Variants in PLXDC2 observed in about 807,000 individuals in gnomAD.
PLXDC2 encodes plexin domain-containing protein 2.
In PLXDC2, 40 loss-of-function variants were observed where a neutral mutation model predicts 68.9. That is an observed-to-expected ratio of 0.58 (90% CI 0.45 to 0.76). PLXDC2 has a LOEUF of 0.76. PLXDC2 is among the 30% of genes least tolerant of loss of function. The pLI is 0.00. For missense variants in PLXDC2, 644 were observed against 661.9 expected, an observed-to-expected ratio of 0.97 and a Z score of 0.30; for synonymous variants, 243 against 234.2, an observed-to-expected ratio of 1.04 and a Z score of -0.34.
chr10:20,029,408 G>A (rs1247145660), intron 2 of PLXDC2, among the ~76,000 whole-genome samples: 1 of 151,524 alleles, frequency 6.6e-6, no homozygotes, highest in Non-Finnish European at 1.5e-5. Flanking sequence ...AGAAATGCTT[G>A]TAAAAAAAAT....
At chr10:20,278,784 A>T (rs1343034172) in intron 13 of PLXDC2, among the ~76,000 whole-genome samples, 2 of 152,228 alleles carry the variant, frequency 1.3e-5, no homozygotes, top group Non-Finnish European at 2.9e-5. Flanking sequence ...AGAATTCTTT[A>T]GATAGAAATG....
chr10:20,238,662 A>AAAATATATATAT (rs1175526348), intron 12 of PLXDC2, among the ~76,000 whole-genome samples: 1 of 31,726 alleles, frequency 3.2e-5, no homozygotes, highest in Non-Finnish European at 7.6e-5. Context: ...TCTCAAAAAA[A>AAAATATATATAT]ATATATATAT....
In PLXDC2 at chr10:20,287,561, TAAA is replaced by T. The variant is rs1363286529; in HGVS notation, c.*7745_*7747del. ...GATTGTCACATTTATAGCAGGGAAATAAAAACTCAAATTAGGCATCCTGCAGCA... is the reference window on the plus strand; with the variant it reads ...GATTGTCACATTTATAGCAGGGAAATAACTCAAATTAGGCATCCTGCAGCA... On this transcript the variant is annotated 3_prime_UTR_variant, in exon 14 of 14. Coordinates refer to ENST00000377252, the MANE Select transcript of PLXDC2 (RefSeq NM_032812.9). 6.6e-6 allele frequency: 1 copy of T among 152,032 alleles called. No individual in the cohort carries two copies. Among genetic ancestry groups the T allele is most frequent in the Non-Finnish European group, 1.5e-5 (1 of 68,010 alleles). 9.4% of individuals were successfully genotyped at this position (152,032 alleles called of 1,614,324 possible).
At chr10:20,262,587 C>T (rs564907813) in intron 13 of PLXDC2, among the ~76,000 whole-genome samples, 89 of 152,330 alleles carry the variant, frequency 5.8e-4, no homozygotes, top group Non-Finnish European at 1.1e-3. Flanking sequence ...AATACCCCAG[C>T]AAAGCACAGC....
At chr10:20,042,869 G>A (rs74381185) in intron 2 of PLXDC2, among the ~76,000 whole-genome samples, 2,696 of 152,200 alleles carry the variant, frequency 0.018, 77 homozygotes, top group African/African-American at 0.061. Context: ...GAGAAACATG[G>A]ATTTATACGA....
At chr10:19,879,801 T>C (rs990526096) in intron 1 of PLXDC2, among the ~76,000 whole-genome samples, 4 of 152,186 alleles carry the variant, frequency 2.6e-5, no homozygotes, top group Non-Finnish European at 5.9e-5. Flanking sequence ...AGATTGTGGC[T>C]GGTCAATCTG....
chr10:20,004,644 G>A (rs1027148492), intron 2 of PLXDC2, among the ~76,000 whole-genome samples: 5 of 152,086 alleles, frequency 3.3e-5, no homozygotes, highest in South Asian at 4.1e-4. Context: ...AAATTTCTTC[G>A]AAAAAGGAAA....
At position 20,287,775 on chromosome 10, in the gene PLXDC2, C is replaced by T. The variant is rs375540236; in HGVS notation, c.*7956C>T. 6 of 152,124 alleles carry T rather than the reference C, an allele frequency of 3.9e-5. No individual in the cohort carries two copies. In the South Asian group the frequency reaches 8.3e-4, roughly 21 times the overall value. The allele number at this position is 152,124 out of a possible 1,614,324, so 9.4% of individuals were successfully genotyped here. A position where few individuals can be genotyped will look rare whatever the true frequency, so the allele number is the denominator to read the frequency against. On this transcript the variant is annotated 3_prime_UTR_variant, in exon 14 of 14. Transcript: ENST00000377252. ...CATTGATTGGTCAAAACAAATCTCTCATTTGCCTGATTTGAAGCATTTCAA... is the reference window on the plus strand; with the variant it reads ...CATTGATTGGTCAAAACAAATCTCTTATTTGCCTGATTTGAAGCATTTCAA...
At chr10:20,218,736 A>G (rs1054226543) in intron 11 of PLXDC2, among the ~76,000 whole-genome samples, 2 of 152,118 alleles carry the variant, frequency 1.3e-5, no homozygotes, top group Non-Finnish European at 1.5e-5. Context: ...GGTCATAACT[A>G]TAGGTTCTAA....
intron 1 of PLXDC2, among the ~76,000 whole-genome samples, chr10:19,919,528 G>A (rs1336358645): frequency 6.6e-6 from 1 of 152,174 alleles, no homozygotes; most frequent in Non-Finnish European, 1.5e-5. Context: ...TTAACAAATT[G>A]AGCTGATAGT....
At chr10:20,249,168 G>A (rs11011903) in intron 13 of PLXDC2, among the ~76,000 whole-genome samples, 35,547 of 151,968 alleles carry the variant, frequency 0.23, 4,207 homozygotes, top group African/African-American at 0.26. Context: ...TCATTTTAAT[G>A]TTTGTATTCT....
intron 1 of PLXDC2, among the ~76,000 whole-genome samples, chr10:19,844,628 C>T (rs1309787752): frequency 6.6e-6 from 1 of 150,724 alleles, no homozygotes; most frequent in Admixed American, 6.6e-5. Context: ...TGAGGTAGGG[C>T]TCTGTCGTCT....
chr10:19,907,833 C>T (rs1027081054), intron 1 of PLXDC2, among the ~76,000 whole-genome samples: 2 of 152,128 alleles, frequency 1.3e-5, no homozygotes, highest in African/African-American at 4.8e-5. Context: ...CTCCTTGGCT[C>T]TAACTTTATT....
intron 13 of PLXDC2, among the ~76,000 whole-genome samples, chr10:20,266,592 A>T (rs1835875391): frequency 6.6e-6 from 1 of 152,184 alleles, no homozygotes; most frequent in East Asian, 1.9e-4. Flanking sequence ...GAAACAATTC[A>T]TGGTGTTTCA....
At chr10:20,266,392 T>C (rs1191204855) in intron 13 of PLXDC2, among the ~76,000 whole-genome samples, 1 of 147,116 alleles carries the variant, frequency 6.8e-6, no homozygotes, top group Non-Finnish European at 1.5e-5. Flanking sequence ...TGACAGAAAA[T>C]GATACAAGAA....
intron 12 of PLXDC2, among the ~76,000 whole-genome samples, chr10:20,236,161 G>T (rs978515357): frequency 6.6e-6 from 1 of 151,990 alleles, no homozygotes; most frequent in Non-Finnish European, 1.5e-5. Context: ...ATAATTTCTG[G>T]CTGAGCTCAG....
At chr10:20,009,933 G>T (rs1468971906) in intron 2 of PLXDC2, among the ~76,000 whole-genome samples, 1 of 151,990 alleles carries the variant, frequency 6.6e-6, no homozygotes, top group Non-Finnish European at 1.5e-5. Flanking sequence ...ATCTAGGAGT[G>T]AAAAGATGAG....
chr10:20,268,470 A>G (rs992984506), intron 13 of PLXDC2, among the ~76,000 whole-genome samples: 2 of 152,234 alleles, frequency 1.3e-5, no homozygotes, highest in Non-Finnish European at 2.9e-5. Flanking sequence ...TTGACTGATA[A>G]GATCACTCTG....
At chr10:19,900,067 C>T (rs1838132710) in intron 1 of PLXDC2, among the ~76,000 whole-genome samples, 1 of 152,098 alleles carries the variant, frequency 6.6e-6, no homozygotes, top group Non-Finnish European at 1.5e-5. Flanking sequence ...CATTATTTTT[C>T]TATGTCCCAC....
Sources: gnomAD v4.1 joint callset for allele counts (sites outside exome capture counted in the v4.1 genomes callset) on GRCh38, gnomAD v4.1.1 for gene constraint, MANE v1.5 for transcripts, NCBI Gene and HGNC (gene_info 2026-07-23, HGNC 2026-07-21) for gene names.